Variants in PTP4A2 observed in about 807,000 individuals in gnomAD.
The protein encoded by PTP4A2 is protein tyrosine phosphatase type IVA 2.
Under a neutral mutation model 22.9 loss-of-function variants are expected in PTP4A2, and 2 were observed. The ratio of observed to expected loss-of-function variants is 0.09; its 90% CI spans 0.04 to 0.27. The LOEUF (loss-of-function observed/expected upper bound fraction) is 0.27, where lower values mean the gene tolerates loss of function less well. Ranked by LOEUF, PTP4A2 falls within the 10% of genes least tolerant of loss-of-function variation. The probability of loss-of-function intolerance (pLI) is 1.00; values close to 1 mark genes in which losing one functional copy is unlikely to be tolerated. For synonymous variants in PTP4A2, 68 were observed against 69.1 expected, an observed-to-expected ratio of 0.98 and a Z score of 0.08; for missense variants, 103 against 205.1, an observed-to-expected ratio of 0.50 and a Z score of 3.04.
At chr1:31,926,170 T>A (rs1160790149) in intron 1 of PTP4A2, among the ~76,000 whole-genome samples, 5 of 144,652 alleles carry the variant, frequency 3.5e-5, no homozygotes, top group African/African-American at 7.7e-5. Flanking sequence ...ATATATATAT[T>A]TATCTCTCCT....
At chr1:31,932,451 ATTTAG>A (rs1652763557) in intron 1 of PTP4A2, among the ~76,000 whole-genome samples, 1 of 152,228 alleles carries the variant, frequency 6.6e-6, no homozygotes, top group Non-Finnish European at 1.5e-5. Flanking sequence ...AAATGATGAA[ATTTAG>A]TTTAGGCCAC....
At chr1:31,916,719 T>A (rs1651867676) in intron 2 of PTP4A2, among the ~76,000 whole-genome samples, 1 of 152,132 alleles carries the variant, frequency 6.6e-6, no homozygotes, top group Non-Finnish European at 1.5e-5. Context: ...GTATGGCACA[T>A]CCATATAGTG....
chr1:31,932,257 T>C (rs184265800), intron 1 of PTP4A2, among the ~76,000 whole-genome samples: 65 of 152,282 alleles, frequency 4.3e-4, no homozygotes, highest in Non-Finnish European at 3.7e-4. Flanking sequence ...GACTAAAAGT[T>C]CAAATAAAAA....
In PTP4A2 at chr1:31,913,673, A is replaced by T. The variant is rs1274448071; in HGVS notation, c.190-1847T>A. 4 of 375,400 alleles carry T rather than the reference A, an allele frequency of 1.1e-5. No homozygotes were observed. In the Admixed American group the frequency reaches 1.4e-4, roughly 13 times the overall value. 23.3% of individuals were successfully genotyped at this position (375,400 alleles called of 1,614,324 possible). On this transcript the variant is annotated intron_variant, in intron 3 of 5. Transcript: ENST00000647444. ...TGCATTTCCCAGATCACAGCTATTT[A>T]AAACAAAACAAAAACCTAAATTTAA...
At position 31,923,472 on chromosome 1, in the gene PTP4A2, C is replaced by T. The variant is rs540229103; in HGVS notation, c.-593-3814G>A. Among the ~76,000 whole-genome samples, 669 of 151,136 alleles carry T rather than the reference C, an allele frequency of 4.4e-3. 4 individuals carry two copies. Among genetic ancestry groups the T allele is most frequent in the African/African-American group, 0.015 (634 of 41,150 alleles). ...GCCTCAGCCTCCCGAGTAGCTGGGA[C>T]TACAGGCGCCCGCTACCACGCCCGG... On this transcript the variant is annotated intron_variant, in intron 1 of 5. Transcript: ENST00000647444.
At chr1:31,909,671 CAA>C (rs1213460518) in intron 5 of PTP4A2, among the ~76,000 whole-genome samples, 69 of 126,198 alleles carry the variant, frequency 5.5e-4, no homozygotes, top group African/African-American at 1.7e-3. Context: ...GACTCCATCT[CAA>C]AAAAAAAAAA....
intron 1 of PTP4A2, among the ~76,000 whole-genome samples, chr1:31,925,793 G>A (rs1324107781): frequency 6.6e-6 from 1 of 151,144 alleles, no homozygotes; most frequent in Non-Finnish European, 1.5e-5. Context: ...AAGTATAAGG[G>A]AATTTTATAA....
intron 1 of PTP4A2, 132 bp from the exon 2 acceptor site, chr1:31,919,790 C>G (rs1475520471): frequency 6.6e-6 from 1 of 152,164 alleles, no homozygotes; most frequent in Non-Finnish European, 1.5e-5. Context: ...TTATTACCAT[C>G]TATGAAGAAT....
At chr1:31,919,763 A>G (rs1652040339) in intron 1 of PTP4A2, 105 bp from the exon 2 acceptor site, 1 of 152,410 alleles carries the variant, frequency 6.6e-6, no homozygotes, top group African/African-American at 2.4e-5. Context: ...GCGATGTGAA[A>G]TGTCACCAAT....
At chr1:31,926,761 G>GA (rs937703286) in intron 1 of PTP4A2, among the ~76,000 whole-genome samples, 2 of 152,060 alleles carry the variant, frequency 1.3e-5, no homozygotes, top group African/African-American at 4.8e-5. Flanking sequence ...TTACTGGGCA[G>GA]AAAAAAAGAA....
At chr1:31,916,291 G>A (rs189331970) in intron 2 of PTP4A2, among the ~76,000 whole-genome samples, 2 of 137,734 alleles carry the variant, frequency 1.5e-5, no homozygotes, top group East Asian at 4.4e-4. Context: ...ATTGCAGTGA[G>A]CCGAGATCGT....
rs1651217842 is a variant in PTP4A2, at chr1:31,907,241, C to T, written c.*1611G>A. 1 of 152,268 alleles carries T rather than the reference C, an allele frequency of 6.6e-6. No individual in the cohort carries two copies. Among genetic ancestry groups the T allele is most frequent in the Admixed American group, 6.5e-5 (1 of 15,288 alleles). The allele number at this position is 152,268 out of a possible 1,614,324, so 9.4% of individuals were successfully genotyped here. ...TCCAGCAGGACAAGATGACTTTAAG[C>T]CCGTATTCAGAGCCCTAGAAGCAGG... is the stretch of plus-strand genomic sequence containing the variant. On this transcript the variant is annotated 3_prime_UTR_variant, in exon 6 of 6. Transcript: ENST00000647444.
At chr1:31,920,141 A>G in intron 1 of PTP4A2, among the ~76,000 whole-genome samples, 1 of 133,264 alleles carries the variant, frequency 7.5e-6, no homozygotes, top group African/African-American at 2.8e-5. Context: ...AAAAAAAAAA[A>G]AAAAAAAAAT....
intron 1 of PTP4A2, among the ~76,000 whole-genome samples, chr1:31,926,136 A>T (rs1469308189): frequency 9.6e-5 from 12 of 125,238 alleles, no homozygotes; most frequent in East Asian, 4.2e-4. Flanking sequence ...TCAAAAAATT[A>T]AAAAAAAAAA....
At position 31,912,946 on chromosome 1, in the gene PTP4A2, G is replaced by A. The variant is rs180774853; in HGVS notation, c.190-1120C>T. Reference sequence around the variant, plus strand: ...GACTGTGTTATTATAAATGTCACTAGAGAGTTTAACTGTAAATAGCAATAA... The same window carrying A: ...GACTGTGTTATTATAAATGTCACTAAAGAGTTTAACTGTAAATAGCAATAA... On this transcript the variant is annotated intron_variant, in intron 3 of 5. Coordinates refer to ENST00000647444, the MANE Select transcript of PTP4A2 (RefSeq NM_080391.4). 3 of 430,166 alleles carry A rather than the reference G, an allele frequency of 7.0e-6. No individual in the cohort carries two copies. The East Asian group carries it at 2.1e-4, about 30-fold the overall frequency. The allele number at this position is 430,166 out of a possible 1,614,324, so 26.6% of individuals were successfully genotyped here. A position where few individuals can be genotyped will look rare whatever the true frequency, so the allele number is the denominator to read the frequency against.
intron 1 of PTP4A2, among the ~76,000 whole-genome samples, chr1:31,922,536 T>C (rs563554725): frequency 6.6e-6 from 1 of 152,260 alleles, no homozygotes; most frequent in East Asian, 1.9e-4. Flanking sequence ...ATGGCTTAAG[T>C]ATGATCGCAC....
At chr1:31,925,325 C>T (rs1334666991) in intron 1 of PTP4A2, among the ~76,000 whole-genome samples, 1 of 152,160 alleles carries the variant, frequency 6.6e-6, no homozygotes, top group Non-Finnish European at 1.5e-5. Flanking sequence ...TAGAAAGAGG[C>T]TCCAGAGGGC....
intron 1 of PTP4A2, among the ~76,000 whole-genome samples, chr1:31,936,963 G>T (rs1384341782): frequency 1.3e-5 from 2 of 152,146 alleles, no homozygotes; most frequent in African/African-American, 2.4e-5. Flanking sequence ...GCTAGTCACT[G>T]CTAATTTCTT....
chr1:31,936,629 G>A (rs1156423512), intron 1 of PTP4A2, among the ~76,000 whole-genome samples: 1 of 152,002 alleles, frequency 6.6e-6, no homozygotes, highest in East Asian at 1.9e-4. Context: ...CACAAGAATG[G>A]GAAAAGTCCA....
Sources: gnomAD v4.1 joint callset for allele counts (sites outside exome capture counted in the v4.1 genomes callset) on GRCh38, gnomAD v4.1.1 for gene constraint, MANE v1.5 for transcripts, NCBI Gene and HGNC (gene_info 2026-07-23, HGNC 2026-07-21) for gene names.